Variants in POLA1 observed in about 807,000 individuals in gnomAD.
POLA1 encodes DNA polymerase alpha 1, catalytic subunit, also known as DNA polymerase alpha catalytic subunit.
POLA1 carries 15 observed loss-of-function variants against 124.0 expected under a neutral mutation model. The ratio of observed to expected loss-of-function variants is 0.12; its 90% confidence interval spans 0.08 to 0.19. The LOEUF (loss-of-function observed/expected upper bound fraction) is 0.19, where lower values mean the gene tolerates loss of function less well. Ranked by LOEUF, POLA1 falls within the 10% of genes least tolerant of loss-of-function variation. The pLI is 1.00. For synonymous variants in POLA1, 408 were observed against 389.4 expected (o/e 1.05, Z -0.56); for missense variants, 886 against 1,103.4 (o/e 0.80, Z 2.79).
intron 36 of POLA1, among the ~76,000 whole-genome samples, chrX:24,956,335 ATATT>A (rs1387612220): frequency 5.5e-5 from 6 of 108,349 alleles, no homozygotes. Flanking sequence ...ATTTATATAT[ATATT>A]ATATGTTTAT....
chrX:24,994,329 A>G (rs895159519), intron 36 of POLA1, among the ~76,000 whole-genome samples: 2 of 113,048 alleles, frequency 1.8e-5, no homozygotes, highest in African/African-American at 6.4e-5. Context: ...ATGCGAATGT[A>G]TAGCCAAGAA....
At chrX:24,803,473 T>C (rs908184019) in intron 26 of POLA1, among the ~76,000 whole-genome samples, 2 of 111,071 alleles carry the variant, frequency 1.8e-5, no homozygotes, top group East Asian at 5.6e-4. Flanking sequence ...TGTGTATATA[T>C]ACCCCCGAAG....
At chrX:24,760,664 CTTCTG>C (rs1467560514) in intron 26 of POLA1, among the ~76,000 whole-genome samples, 2 of 111,868 alleles carry the variant, frequency 1.8e-5, no homozygotes, top group Non-Finnish European at 3.8e-5. Context: ...GAATTAGTAC[CTTCTG>C]TTTGTGTGTT....
chrX:24,905,795 T>G (rs908030420), intron 35 of POLA1, among the ~76,000 whole-genome samples: 1 of 111,517 alleles, frequency 9.0e-6, no homozygotes, highest in African/African-American at 3.3e-5. Flanking sequence ...ATTCCTGACC[T>G]CAGGTCATCC....
At position 24,979,672 on chromosome X, in the gene POLA1, T is replaced by C. The variant is rs375256418; in HGVS notation, c.4262-16133T>C. Among the ~76,000 whole-genome samples the C allele has an allele frequency of 1.7e-4, 19 of 112,338 alleles. No homozygotes were observed. The East Asian group carries it at 2.8e-3, about 16-fold the overall frequency. On this transcript the variant is annotated intron_variant, in intron 36 of 36. Transcript: ENST00000379068. The stretch of plus-strand genomic sequence containing the variant: ...CTTGAGAAATGTCAAAAGGCACATA[T>C]CCTGCATCTGAAGGAAACACAAGAA...
At chrX:24,773,672 A>G (rs1161299152) in intron 26 of POLA1, among the ~76,000 whole-genome samples, 1 of 112,274 alleles carries the variant, frequency 8.9e-6, no homozygotes, top group African/African-American at 3.2e-5. Context: ...GTCCTTAGTA[A>G]GTGATCAATA....
At chrX:24,709,442 A>AC (rs1359761014) in intron 4 of POLA1, among the ~76,000 whole-genome samples, 11 of 63,159 alleles carry the variant, frequency 1.7e-4, no homozygotes, top group African/African-American at 5.5e-4. Context: ...CGGGGGGCTG[A>AC]CCCCCCCACC....
intron 26 of POLA1, among the ~76,000 whole-genome samples, chrX:24,806,609 G>T (rs1042990762): frequency 1.8e-5 from 2 of 111,458 alleles, no homozygotes; most frequent in African/African-American, 6.5e-5. Flanking sequence ...CTGCTAGTGA[G>T]GCCCACTGAA....
intron 35 of POLA1, among the ~76,000 whole-genome samples, chrX:24,889,387 C>A (rs1435914808): frequency 8.9e-6 from 1 of 112,049 alleles, no homozygotes; most frequent in Non-Finnish European, 1.9e-5. Context: ...GTTTTGTGAT[C>A]AAGTATATCT....
Position 24,968,901 on chromosome X carries a change from C to T in POLA1, c.4262-26904C>T, listed in dbSNP as rs921004306. Among the ~76,000 whole-genome samples, 4 of 110,764 alleles carry T rather than the reference C, an allele frequency of 3.6e-5. No homozygotes were observed. In the Admixed American group the frequency reaches 3.8e-4, roughly 11 times the overall value. ...TTCTAAGATGCAAAAAAGTTAGTAT[C>T]CTTCTTCTCTAAGAATCCATAATCT... On this transcript the variant is annotated intron_variant, in intron 36 of 36. Transcript: ENST00000379068.
intron 26 of POLA1, chrX:24,788,242 G>T: frequency 1.8e-6 from 1 of 562,924 alleles, no homozygotes; most frequent in Non-Finnish European, 2.7e-6. Flanking sequence ...TGTATGACAA[G>T]CCCACAGCTA....
intron 4 of POLA1, 56 bp downstream of exon 4, chrX:24,704,525 A>T: frequency 1.3e-6 from 1 of 792,156 alleles, no homozygotes; most frequent in Non-Finnish European, 1.9e-6. Flanking sequence ...ATTCTCTAAA[A>T]TTAGAGATGA....
rs751750467 is a variant in POLA1, at chrX:24,877,271, G to A, written c.4048-10735G>A. ...TTTTTTGTCAAATTTACCCATTTGCGGCATTGAAAGAGGCAGCTGCATTTA... is the reference window on the plus strand; with the variant it reads ...TTTTTTGTCAAATTTACCCATTTGCAGCATTGAAAGAGGCAGCTGCATTTA... On this transcript the variant is annotated intron_variant, in intron 34 of 36. Transcript: ENST00000379068. 2.3e-4 allele frequency among the ~76,000 whole-genome samples: 26 copies of A among 111,504 alleles called. No individual in the cohort carries two copies. In the South Asian group the frequency reaches 3.0e-3, roughly 13 times the overall value.
chrX:24,925,301 A>G (rs1158208552), intron 35 of POLA1, among the ~76,000 whole-genome samples: 1 of 111,394 alleles, frequency 9.0e-6, no homozygotes, highest in Non-Finnish European at 1.9e-5. Context: ...CCAGTTGATG[A>G]TGCAAGGAGG....
At chrX:24,965,899 C>T (rs762147452) in intron 36 of POLA1, among the ~76,000 whole-genome samples, 12 of 111,568 alleles carry the variant, frequency 1.1e-4, no homozygotes, top group Admixed American at 4.8e-4. Context: ...GAACCTGCTT[C>T]GGTTCTTAAA....
chrX:24,814,884 C>A, intron 29 of POLA1, 95 bp from the exon 30 acceptor site: 1 of 804,473 alleles, frequency 1.2e-6, no homozygotes, highest in Non-Finnish European at 1.7e-6. Flanking sequence ...ACATGTTAAT[C>A]TAATGGCATT....
intron 5 of POLA1, 105 bp from the exon 6 acceptor site, chrX:24,715,036 A>G (rs1385707426): frequency 9.0e-6 from 5 of 558,534 alleles, no homozygotes; most frequent in Non-Finnish European, 1.2e-5. Flanking sequence ...ATGAAGAGGC[A>G]AGGACTAACT....
chrX:24,839,040 C>CT (rs1458401036), intron 32 of POLA1, among the ~76,000 whole-genome samples: 2 of 112,055 alleles, frequency 1.8e-5, no homozygotes, highest in Non-Finnish European at 3.8e-5. Context: ...ATGATCCTTA[C>CT]TTTTTTAACA....
intron 29 of POLA1, among the ~76,000 whole-genome samples, chrX:24,813,331 A>C (rs966985539): frequency 2.7e-5 from 3 of 111,163 alleles, no homozygotes; most frequent in African/African-American, 9.8e-5. Flanking sequence ...CTTTGTTCCC[A>C]CCCGTATGAT....
Sources: allele counts gnomAD v4.1 joint callset (sites outside exome capture counted in the v4.1 genomes callset), GRCh38; gene constraint gnomAD v4.1.1; transcripts MANE v1.5; gene names NCBI Gene and HGNC (gene_info 2026-07-23, HGNC 2026-07-21).